ROBO2: variants seen among roughly 807,000 people sequenced by gnomAD.
ROBO2 encodes roundabout homolog 2.
ROBO2 carries 53 observed loss-of-function variants against 160.8 expected under a neutral mutation model. That is an observed-to-expected ratio of 0.33 (90% confidence interval 0.26 to 0.41). The LOEUF (loss-of-function observed/expected upper bound fraction) is 0.41. Ranked by LOEUF, ROBO2 falls within the 10% of genes least tolerant of loss-of-function variation. The pLI, the probability that ROBO2 is intolerant of heterozygous loss-of-function variation, is 1.00. For missense variants in ROBO2, 1,577 were observed against 1,722.4 expected (o/e 0.92, Z 1.49); for synonymous variants, 664 against 611.7 (o/e 1.09, Z -1.26).
At chr3:77,127,269 C>T (rs372075656) in intron 2 of ROBO2, among the ~76,000 whole-genome samples, 2 of 152,000 alleles carry the variant, frequency 1.3e-5, no homozygotes, top group East Asian at 1.9e-4. Context: ...ACATAAAACC[C>T]GTTTTATTCT....
At chr3:76,947,645 G>C (rs577281954) in intron 2 of ROBO2, among the ~76,000 whole-genome samples, 3 of 150,240 alleles carry the variant, frequency 2.0e-5, no homozygotes, top group Non-Finnish European at 4.4e-5. Flanking sequence ...TCTTGCAATC[G>C]ATGACATGTG....
At chr3:76,251,620 CAT>C (rs1281044246) in intron 2 of ROBO2, among the ~76,000 whole-genome samples, 2 of 152,058 alleles carry the variant, frequency 1.3e-5, no homozygotes, top group East Asian at 3.9e-4. Flanking sequence ...GGAAAGAACT[CAT>C]GAGCATCCTC....
intron 2 of ROBO2, among the ~76,000 whole-genome samples, chr3:77,241,868 A>G (rs1413599492): frequency 6.6e-6 from 1 of 152,196 alleles, no homozygotes; most frequent in Admixed American, 6.5e-5. Context: ...TTGGAATCTA[A>G]AACACCAAGT....
intron 2 of ROBO2, among the ~76,000 whole-genome samples, chr3:76,357,989 CTTTATAG>C (rs1297117060): frequency 6.6e-6 from 1 of 151,282 alleles, no homozygotes; most frequent in Admixed American, 6.6e-5. Context: ...CAAAATAATA[CTTTATAG>C]TTTATTTGCT....
At chr3:76,146,293 CA>C (rs2071884805) in intron 2 of ROBO2, among the ~76,000 whole-genome samples, 1 of 152,016 alleles carries the variant, frequency 6.6e-6, no homozygotes, top group Admixed American at 6.6e-5. Context: ...TAGGGACTCA[CA>C]ATTTCCATCC....
intron 2 of ROBO2, among the ~76,000 whole-genome samples, chr3:77,312,018 G>A (rs1056266596): frequency 5.3e-5 from 8 of 151,942 alleles, no homozygotes; most frequent in South Asian, 4.2e-4. Flanking sequence ...CCTGGGAGGC[G>A]GAGGTTGCAG....
intron 2 of ROBO2, among the ~76,000 whole-genome samples, chr3:76,895,851 C>T (rs1459453319): frequency 1.3e-5 from 2 of 152,064 alleles, no homozygotes; most frequent in East Asian, 3.9e-4. Context: ...TCTAATTCTC[C>T]CAAGAATGTC....
chr3:76,689,132 A>G (rs1320085415), intron 2 of ROBO2, among the ~76,000 whole-genome samples: 2 of 152,156 alleles, frequency 1.3e-5, no homozygotes, highest in African/African-American at 4.8e-5. Flanking sequence ...TAATAATTAT[A>G]CAGCTTTGAA....
At chr3:77,257,009 G>A (rs2058462599) in intron 2 of ROBO2, among the ~76,000 whole-genome samples, 1 of 152,136 alleles carries the variant, frequency 6.6e-6, no homozygotes. Context: ...CCATATCTCA[G>A]CAGAGATGTA....
chr3:77,288,367 T>G (rs541703180), intron 2 of ROBO2, among the ~76,000 whole-genome samples: 1 of 152,322 alleles, frequency 6.6e-6, no homozygotes, highest in African/African-American at 2.4e-5. Flanking sequence ...GCCAGCACAC[T>G]TAAAAGCATA....
At chr3:76,126,452 G>A (rs1381036518) in intron 2 of ROBO2, among the ~76,000 whole-genome samples, 1 of 151,990 alleles carries the variant, frequency 6.6e-6, no homozygotes, top group Non-Finnish European at 1.5e-5. Flanking sequence ...ACTTCTTAAT[G>A]AGGCATACCT....
chr3:77,125,789 G>A (rs1389173074), intron 2 of ROBO2, among the ~76,000 whole-genome samples: 2 of 152,142 alleles, frequency 1.3e-5, no homozygotes, highest in African/African-American at 2.4e-5. Context: ...TGAAGTATAA[G>A]TTGATTAACA....
At chr3:76,877,986 T>C (rs546970145) in intron 2 of ROBO2, among the ~76,000 whole-genome samples, 1 of 152,324 alleles carries the variant, frequency 6.6e-6, no homozygotes, top group East Asian at 1.9e-4. Context: ...CCACCAGACC[T>C]ATCAGATTAG....
chr3:76,492,428 G>A (rs1280756884), intron 2 of ROBO2, among the ~76,000 whole-genome samples: 1 of 152,090 alleles, frequency 6.6e-6, no homozygotes, highest in South Asian at 2.1e-4. Context: ...TTGCTTTCTA[G>A]GGCAGCATTA....
intron 2 of ROBO2, among the ~76,000 whole-genome samples, chr3:76,926,112 G>C (rs1422130709): frequency 1.3e-5 from 2 of 152,060 alleles, no homozygotes; most frequent in Admixed American, 6.5e-5. Flanking sequence ...AAACTTCTTT[G>C]CCCTCCTCAG....
intron 2 of ROBO2, among the ~76,000 whole-genome samples, chr3:76,840,414 C>A (rs2068113522): frequency 6.6e-6 from 1 of 151,398 alleles, no homozygotes; most frequent in East Asian, 2.0e-4. Context: ...TTGAGACCAT[C>A]CTGGCTAACA....
At chr3:76,028,418 G>T (rs549176842) in intron 2 of ROBO2, among the ~76,000 whole-genome samples, 1 of 151,830 alleles carries the variant, frequency 6.6e-6, no homozygotes, top group Admixed American at 6.6e-5. Context: ...TCTAAGTGAG[G>T]TTAAAAAGTA....
chr3:77,432,880 T>C (rs934369856), intron 2 of ROBO2, among the ~76,000 whole-genome samples: 3 of 152,100 alleles, frequency 2.0e-5, no homozygotes, highest in African/African-American at 7.2e-5. Context: ...TGGTACAACT[T>C]CATGTGGCAG....
At chr3:76,472,102 C>CGT (rs2078693961) in intron 2 of ROBO2, among the ~76,000 whole-genome samples, 1 of 86,268 alleles carries the variant, frequency 1.2e-5, no homozygotes, top group Non-Finnish European at 2.6e-5. Flanking sequence ...TGTGTGTGTG[C>CGT]GCGTGTGCGT....
Sources: gnomAD v4.1 joint callset for allele counts (sites outside exome capture counted in the v4.1 genomes callset) on GRCh38, gnomAD v4.1.1 for gene constraint, MANE v1.5 for transcripts, NCBI Gene and HGNC (gene_info 2026-07-23, HGNC 2026-07-21) for gene names.